TTLL10: variants seen among roughly 807,000 people sequenced by gnomAD.
TTLL10 encodes tubulin tyrosine ligase like 10.
Under a neutral mutation model 69.0 loss-of-function variants are expected in TTLL10, and 61 were observed. The observed-to-expected ratio is 0.88, with a 90% CI of 0.72 to 1.09. TTLL10 has a LOEUF of 1.09. Ranked by LOEUF, TTLL10 falls within the 50% of genes least tolerant of loss-of-function variation. TTLL10 has a pLI of 0.00. For missense variants in TTLL10, 962 were observed against 945.9 expected, an observed-to-expected ratio of 1.02 and a Z score of -0.22; for synonymous variants, 408 against 393.3, an observed-to-expected ratio of 1.04 and a Z score of -0.44.
intron 13 of TTLL10, among the ~76,000 whole-genome samples, chr1:1,191,870 G>T (rs1259455332): frequency 2.0e-5 from 3 of 152,276 alleles, no homozygotes; most frequent in African/African-American, 7.2e-5. Context: ...AACTGCATCA[G>T]GAACACGCCC....
chr1:1,189,128 T>C lies in TTLL10; in HGVS notation c.1401+4019T>C, dbSNP rs541931758. ...TTTACCTCTTCCTTTCAAATTTATA[T>C]GCATTTTATTTCTTTTCTTACATAT... is the stretch of plus-strand genomic sequence containing the variant. On this transcript the variant is annotated intron_variant, in intron 13 of 15. Coordinates refer to ENST00000379289, the MANE Select transcript of TTLL10 (RefSeq NM_001130045.2). Among the ~76,000 whole-genome samples, 17 of 152,368 alleles carry C rather than the reference T, an allele frequency of 1.1e-4. No homozygotes were observed. In the East Asian group the frequency reaches 3.1e-3, roughly 28 times the overall value.
In TTLL10 at chr1:1,197,819, G is replaced by T; in HGVS notation, c.1994G>T (p.Arg665Leu). Reference sequence around the variant, plus strand: ...TCCCCGGGGACAGCCAAGGAGGAACGCGAGGAGCCTGAGAACGCGAGGCCC... The same window carrying T: ...TCCCCGGGGACAGCCAAGGAGGAACTCGAGGAGCCTGAGAACGCGAGGCCC... ...EPSPGTAKEEREEPENARP is the reference protein window; with the variant it reads ...EPSPGTAKEELEEPENARP Residue 665 changes from arginine (R) to leucine (L), a missense_variant, in exon 16 of 16, where the codon CGC (arginine) becomes CTC (leucine). Arg to Leu is a moderately radical substitution (Grantham distance 102). Coordinates refer to ENST00000379289, the MANE Select transcript of TTLL10 (RefSeq NM_001130045.2). 3.3e-6 allele frequency: 5 copies of T among 1,509,606 alleles called. No homozygotes were observed. Among genetic ancestry groups the T allele is most frequent in the African/African-American group, 1.4e-5 (1 of 70,116 alleles). The allele number at this position is 1,509,606 out of a possible 1,614,324, so 93.5% of individuals were successfully genotyped here.
chr1:1,193,673 C>T (rs1359992259), intron 13 of TTLL10, among the ~76,000 whole-genome samples: 1 of 152,092 alleles, frequency 6.6e-6, no homozygotes, highest in Non-Finnish European at 1.5e-5. Flanking sequence ...CTATGTTGGC[C>T]AGGCTGATCT....
intron 5 of TTLL10, 129 bp from the exon 6 acceptor site, chr1:1,179,904 AG>A: frequency 7.0e-7 from 1 of 1,436,702 alleles, no homozygotes; most frequent in Non-Finnish European, 9.1e-7. Context: ...GCTGAACTTG[AG>A]CCCCAGACGG....
chr1:1,183,072 G>A lies in TTLL10; in HGVS notation c.1088+25G>A, dbSNP rs1230915187. On this transcript the variant is annotated intron_variant, in intron 11 of 15. Transcript: ENST00000379289. ...GGTGCGGCGGCGGGTGCCCGGAGGG[G>A]TGAGGGTCTGGGCTGGCTGACCCGG... The A allele has an allele frequency of 5.1e-6, 8 of 1,570,644 alleles. No individual in the cohort carries two copies. In the Admixed American group the frequency reaches 7.2e-5, roughly 14 times the overall value.
At chr1:1,187,461 C>T (rs1647428053) in intron 13 of TTLL10, among the ~76,000 whole-genome samples, 1 of 151,990 alleles carries the variant, frequency 6.6e-6, no homozygotes, top group Non-Finnish European at 1.5e-5. Flanking sequence ...GAAACCCCAT[C>T]TCTACTAAAA....
intron 3 of TTLL10, among the ~76,000 whole-genome samples, chr1:1,178,984 A>G (rs1646955017): frequency 6.6e-6 from 1 of 152,214 alleles, no homozygotes; most frequent in South Asian, 2.1e-4. Flanking sequence ...GACAGGGTGC[A>G]GAGACAGCCT....
At chr1:1,183,634 C>T (rs1452114442) in intron 11 of TTLL10, among the ~76,000 whole-genome samples, 14 of 152,364 alleles carry the variant, frequency 9.2e-5, no homozygotes, top group Middle Eastern at 3.4e-3. Context: ...CCGCCTGGCG[C>T]GCTCCTTCCC....
At chr1:1,192,365 GAGTGTAGACACTCCAGTTGGTATA>G (rs1423797042) in intron 13 of TTLL10, among the ~76,000 whole-genome samples, 2 of 141,710 alleles carry the variant, frequency 1.4e-5, no homozygotes, top group South Asian at 4.5e-4. Context: ...TCTGTGATAT[GAGTGTAGACACTCCAGTTGGTATA>G]AGTGTAGACA....
chr1:1,182,372 T>C lies in TTLL10; in HGVS notation c.842T>C (p.Met281Thr). ...TCCCTGCCCTGCAGGGTCCTGAGAA[T>C]GGAAGAGTTTTTCCCAGAGACCTAC... ...GYLRPQRVLR[M>T]EEFFPETYRL... is the part of the protein sequence containing the mutation. The change falls in exon 10 of 16, where the codon ATG (methionine) becomes ACG (threonine). Residue 281 changes from methionine to threonine, a missense_variant. Physicochemically the swap from Met to Thr is moderately conservative, Grantham distance 81 (BLOSUM62 -1). Transcript: ENST00000379289. 3 of 1,613,804 alleles carry C rather than the reference T, an allele frequency of 1.9e-6. No homozygotes were observed. The highest frequency in any genetic ancestry group is 2.2e-5 in the East Asian group (1 of 44,860).
At position 1,197,661 on chromosome 1, in the gene TTLL10, T is replaced by C; in HGVS notation, c.1836T>C (p.Pro612=). ...HAPDQPGARR[P]APPPLVPQRP... is the part of the protein sequence containing the mutation. Reference sequence around the variant, plus strand: ...CAGACCAGCCGGGCGCCCGCAGGCCTGCGCCACCTCCCTTGGTGCCGCAGC... The same window carrying C: ...CAGACCAGCCGGGCGCCCGCAGGCCCGCGCCACCTCCCTTGGTGCCGCAGC... The change falls in exon 16 of 16, where the codon CCT becomes CCC. Residue 612 remains proline (P), a synonymous_variant. Coordinates refer to ENST00000379289, the MANE Select transcript of TTLL10 (RefSeq NM_001130045.2). The C allele has an allele frequency of 6.7e-7, 1 of 1,500,908 alleles. No homozygotes were observed. Among genetic ancestry groups the C allele is most frequent in the African/African-American group, 1.5e-5 (1 of 68,318 alleles). The allele number at this position is 1,500,908 out of a possible 1,614,324, so 93.0% of individuals were successfully genotyped here. A position where few individuals can be genotyped will look rare whatever the true frequency, so the allele number is the denominator to read the frequency against.
intron 13 of TTLL10, among the ~76,000 whole-genome samples, chr1:1,191,614 G>A (rs2094830): frequency 0.13 from 20,463 of 152,224 alleles, 2,524 homozygotes; most frequent in East Asian, 0.59. Flanking sequence ...CAGCTCGGTC[G>A]GGGAGACCCT....
In TTLL10 at chr1:1,179,264, C is replaced by G. The variant is rs995788046; in HGVS notation, c.49C>G (p.Arg17Gly). The stretch of plus-strand genomic sequence containing the variant: ...CATCCACCGCCGGGGACCACCCACT[C>G]GGACCCGAGCCGGCTTCAAGAGGGG... Reference protein sequence around the residue: ...RFIHRRGPPTRTRAGFKRGKR... With the variant: ...RFIHRRGPPTGTRAGFKRGKR... Residue 17 changes from arginine (R) to glycine (G), a missense_variant, in exon 4 of 16, where the codon CGG becomes GGG. By Grantham distance (125) the Arg-to-Gly change is moderately radical (BLOSUM62 -2). Transcript: ENST00000379289. 3 of 1,550,600 alleles carry G rather than the reference C, an allele frequency of 1.9e-6. No homozygotes were observed. Among genetic ancestry groups the G allele is most frequent in the African/African-American group, 1.4e-5 (1 of 73,054 alleles).
At position 1,197,716 on chromosome 1, in the gene TTLL10, A is replaced by T; in HGVS notation, c.1891A>T (p.Ser631Cys). The part of the protein sequence containing the change: ...RPRPPGPDLD[S>C]AHDGEPQAPG... ...CCGGCCACCCGGCCCCGACCTGGAC[A>T]GCGCCCACGATGGGGAGCCCCAGGC... The change falls in exon 16 of 16, where the codon AGC becomes TGC. Residue 631 changes from serine to cysteine, a missense_variant. Coordinates refer to ENST00000379289, the MANE Select transcript of TTLL10 (RefSeq NM_001130045.2). 1 of 1,529,336 alleles carries T rather than the reference A, an allele frequency of 6.5e-7. No homozygotes were observed. The highest frequency in any genetic ancestry group is 8.8e-7 in the Non-Finnish European group (1 of 1,141,784). 94.7% of individuals were successfully genotyped at this position (1,529,336 alleles called of 1,614,324 possible).
intron 3 of TTLL10, 52 bp from the exon 4 acceptor site, chr1:1,179,137 T>C: frequency 7.8e-7 from 1 of 1,288,132 alleles, no homozygotes; most frequent in Non-Finnish European, 1.1e-6. Flanking sequence ...CACTGGGGCC[T>C]CGGGCCGCGC....
chr1:1,197,604 C>T lies in TTLL10; in HGVS notation c.1779C>T (p.Ala593=), dbSNP rs1194893607. Residue 593 remains alanine (A), a synonymous_variant, in exon 16 of 16, where the codon GCC becomes GCT. Coordinates refer to ENST00000379289, the MANE Select transcript of TTLL10 (RefSeq NM_001130045.2). The part of the protein sequence containing the change: ...RRWPPLPTRQ[A]KSSGPPMPHA... The stretch of plus-strand genomic sequence containing the variant: ...GGCCGCCCCTGCCCACCCGCCAGGC[C>T]AAGTCCTCCGGGCCACCCATGCCGC... 24 of 1,514,328 alleles carry T rather than the reference C, an allele frequency of 1.6e-5. No individual in the cohort carries two copies. The highest frequency in any genetic ancestry group is 2.1e-5 in the Non-Finnish European group (24 of 1,137,494). 93.8% of individuals were successfully genotyped at this position (1,514,328 alleles called of 1,614,324 possible). A position where few individuals can be genotyped will look rare whatever the true frequency, so the allele number is the denominator to read the frequency against.
intron 14 of TTLL10, 142 bp from the exon 15 acceptor site, chr1:1,196,951 C>T: frequency 1.1e-6 from 1 of 871,026 alleles, no homozygotes; most frequent in Non-Finnish European, 1.8e-6. Flanking sequence ...ACCCTCAGAG[C>T]TTCAGTGGAC....
rs1354320390 is a variant in TTLL10 at position 1,180,200 on chromosome 1, T to A, written c.366T>A (p.Pro122=). ...CTGGGCTCCTGAACAGCCACCGGCC[T>A]GCAGACTCGGATGACACTAACGCCG... ...GPPGLLNSHR[P]ADSDDTNAAG... The change falls in exon 6 of 16, where the codon CCT becomes CCA. Residue 122 remains proline (P), a synonymous_variant. Coordinates refer to ENST00000379289, the MANE Select transcript of TTLL10 (RefSeq NM_001130045.2). The A allele has an allele frequency of 1.2e-6, 2 of 1,611,152 alleles. No homozygotes were observed. The highest frequency in any genetic ancestry group is 1.7e-6 in the Non-Finnish European group (2 of 1,179,380).
At chr1:1,187,145 C>T (rs904144377) in intron 13 of TTLL10, among the ~76,000 whole-genome samples, 1 of 152,056 alleles carries the variant, frequency 6.6e-6, no homozygotes, top group African/African-American at 2.4e-5. Flanking sequence ...CGCGCCCGGC[C>T]AAAAGTTCTT....
Sources: gnomAD v4.1 joint callset for allele counts (sites outside exome capture counted in the v4.1 genomes callset) on GRCh38, gnomAD v4.1.1 for gene constraint, MANE v1.5 for transcripts, NCBI Gene and HGNC (gene_info 2026-07-23, HGNC 2026-07-21) for gene names.